ACTMAP: variants seen among roughly 807,000 people sequenced by gnomAD.
The protein encoded by ACTMAP is UPF0692 protein C19orf54.
chr19:40,747,147 G>A, the ACTMAP span, among the ~76,000 whole-genome samples: 1 of 152,134 alleles, frequency 6.6e-6, no homozygotes, highest in South Asian at 2.1e-4. Flanking sequence ...AAGAAGGCAA[G>A]GTTCGGTTTG....
the ACTMAP span, chr19:40,744,736 G>A: frequency 4.5e-6 from 7 of 1,542,796 alleles, no homozygotes; most frequent in South Asian, 3.8e-5. Context: ...CCCCTTACCT[G>A]GAAGCTGGAG....
chr19:40,744,483 G>A, the ACTMAP span: 1 of 1,574,626 alleles, frequency 6.4e-7, no homozygotes, highest in African/African-American at 1.3e-5. Flanking sequence ...CTGACACACG[G>A]CTGCCAGCAT....
the ACTMAP span, chr19:40,741,035 CAGT>C: frequency 2.5e-6 from 1 of 398,788 alleles, no homozygotes; most frequent in South Asian, 1.3e-4. Context: ...GCAGGGGACA[CAGT>C]GGTGAGCAAG....
the ACTMAP span, chr19:40,749,852 G>GCC: frequency 8.2e-7 from 1 of 1,216,972 alleles, no homozygotes; most frequent in Non-Finnish European, 1.1e-6. Flanking sequence ...GGGGAGGGAA[G>GCC]GATCCTCCAA....
At chr19:40,742,340 G>T in the ACTMAP span, 1 of 1,279,042 alleles carries the variant, frequency 7.8e-7, no homozygotes, top group Non-Finnish European at 1.1e-6. Context: ...CTGAGACCTA[G>T]CTTCAATCTT....
At chr19:40,742,672 G>A in the ACTMAP span, 6 of 1,613,324 alleles carry the variant, frequency 3.7e-6, no homozygotes, top group Middle Eastern at 3.3e-4. Context: ...AGGGATGGTG[G>A]TTGGCAGGGC....
the ACTMAP span, chr19:40,749,989 G>C: frequency 4.1e-6 from 2 of 486,928 alleles, no homozygotes; most frequent in Admixed American, 4.3e-5. Flanking sequence ...GAATTGCGAG[G>C]CTGACTCAAG....
chr19:40,743,866 C>A, the ACTMAP span: 2 of 1,607,804 alleles, frequency 1.2e-6, no homozygotes, highest in Non-Finnish European at 1.7e-6. Context: ...GCCGGGGAGA[C>A]CCAGGTTGAG....
chr19:40,745,642 G>A, the ACTMAP span, among the ~76,000 whole-genome samples: 2 of 152,226 alleles, frequency 1.3e-5, no homozygotes, highest in Non-Finnish European at 2.9e-5. Flanking sequence ...TGGGAGTATA[G>A]GCATGCACCA....
chr19:40,749,374 G>C, the ACTMAP span: 1 of 1,169,508 alleles, frequency 8.6e-7, no homozygotes. Context: ...GACCTAAGTA[G>C]TCAGCCTGTT....
chr19:40,741,396 T>C, the ACTMAP span: 1 of 202,490 alleles, frequency 4.9e-6, no homozygotes. Context: ...TGAGCTGAGA[T>C]CACGCCACCG....
the ACTMAP span, chr19:40,750,401 G>T: frequency 1.3e-5 from 2 of 152,254 alleles, no homozygotes; most frequent in Non-Finnish European, 1.5e-5. Context: ...AGAAGACTCA[G>T]AGATCAGAGG....
the ACTMAP span, chr19:40,745,093 A>G: frequency 2.6e-6 from 4 of 1,549,838 alleles, no homozygotes; most frequent in Non-Finnish European, 3.5e-6. Flanking sequence ...GAGTAAAGGC[A>G]GCAGATGGGC....
At chr19:40,748,984 CTTTTTTTTTTTT>C in the ACTMAP span, among the ~76,000 whole-genome samples, 1 of 102,528 alleles carries the variant, frequency 9.8e-6, no homozygotes, top group Non-Finnish European at 1.9e-5. Context: ...GGCATTTGCT[CTTTTTTTTTTTT>C]TTTTTTTTTT....
chr19:40,749,470 G>A, the ACTMAP span: 1 of 1,536,096 alleles, frequency 6.5e-7, no homozygotes, highest in Non-Finnish European at 8.8e-7. Flanking sequence ...GGTGGGGCAT[G>A]GAGACCCTAC....
At chr19:40,744,043 CCT>C in the ACTMAP span, 2 of 1,614,000 alleles carry the variant, frequency 1.2e-6, no homozygotes, top group Non-Finnish European at 1.7e-6. Flanking sequence ...CCCCTGCCCT[CCT>C]CTCTCCCAGG....
chr19:40,749,608 C>T, the ACTMAP span: 1 of 1,550,570 alleles, frequency 6.4e-7, no homozygotes, highest in South Asian at 1.2e-5. Context: ...GGAGCAGGCC[C>T]TGTGGCAGCG....
At chr19:40,745,154 G>A in the ACTMAP span, 11 of 1,551,914 alleles carry the variant, frequency 7.1e-6, no homozygotes, top group East Asian at 2.4e-5. Flanking sequence ...GATGAGGGAC[G>A]GCAGGTCTGC....
the ACTMAP span, chr19:40,745,133 G>A: frequency 6.4e-7 from 1 of 1,551,824 alleles, no homozygotes; most frequent in East Asian, 2.4e-5. Context: ...CACATACTGA[G>A]GGCCTTCTTG....
Sources: gnomAD v4.1 joint callset for allele counts (sites outside exome capture counted in the v4.1 genomes callset) on GRCh38, gnomAD v4.1.1 for gene constraint, MANE v1.5 for transcripts, NCBI Gene and HGNC (gene_info 2026-07-23, HGNC 2026-07-21) for gene names.